Variants in CADPS2 observed in about 807,000 individuals in gnomAD.
CADPS2 encodes calcium-dependent secretion activator 2.
A neutral mutation model predicts 172.5 loss-of-function variants in CADPS2; 93 were observed. The observed-to-expected ratio is 0.54, with a 90% confidence interval of 0.46 to 0.64. The LOEUF (loss-of-function observed/expected upper bound fraction) is 0.64. Among genes scored for constraint, CADPS2 ranks in the 30% least tolerant of loss-of-function variants. CADPS2 has a pLI of 0.00. For missense variants in CADPS2, 1,420 were observed against 1,565.9 expected (o/e 0.91, Z 1.57); for synonymous variants, 546 against 555.2 (o/e 0.98, Z 0.23).
At chr7:122,755,425 C>G (rs1254263563) in intron 1 of CADPS2, among the ~76,000 whole-genome samples, 2 of 152,074 alleles carry the variant, frequency 1.3e-5, no homozygotes, top group African/African-American at 4.8e-5. Context: ...ATCACTTTTT[C>G]TTTATCAGCT....
intron 3 of CADPS2, among the ~76,000 whole-genome samples, chr7:122,662,489 C>T (rs1055888084): frequency 2.6e-5 from 4 of 151,666 alleles, no homozygotes; most frequent in Admixed American, 6.6e-5. Flanking sequence ...AATTCTCCTG[C>T]CTCAGCCTCC....
intron 1 of CADPS2, among the ~76,000 whole-genome samples, chr7:122,804,330 G>A (rs1203412865): frequency 6.6e-6 from 1 of 152,158 alleles, no homozygotes; most frequent in Admixed American, 6.5e-5. Context: ...CTGAGGACTA[G>A]CACGTTGCAT....
intron 6 of CADPS2, among the ~76,000 whole-genome samples, chr7:122,608,095 T>C (rs560922420): frequency 1.4e-4 from 21 of 152,018 alleles, no homozygotes; most frequent in Middle Eastern, 3.4e-3. Context: ...TGCATGTCTG[T>C]AGTCCCAGCT....
intron 27 of CADPS2, among the ~76,000 whole-genome samples, chr7:122,351,372 C>CAAAAAAAAA (rs398048049): frequency 0.017 from 495 of 28,920 alleles, 116 homozygotes; most frequent in African/African-American, 0.06. Context: ...GACTCCGTCT[C>CAAAAAAAAA]AAAAAAAAAA....
At chr7:122,549,176 C>A (rs2131844897) in intron 8 of CADPS2, among the ~76,000 whole-genome samples, 1 of 152,188 alleles carries the variant, frequency 6.6e-6, no homozygotes, top group Non-Finnish European at 1.5e-5. Context: ...GCAGGAGGAT[C>A]GCTTGAGTGC....
At chr7:122,325,448 C>CA (rs1267352094) in intron 29 of CADPS2, 29 bp downstream of exon 29, 1 of 1,400,052 alleles carries the variant, frequency 7.1e-7, no homozygotes, top group African/African-American at 1.4e-5. Flanking sequence ...GCTTAGTGGG[C>CA]AATTCATATC....
At chr7:122,481,197 G>T (rs568809844) in intron 11 of CADPS2, among the ~76,000 whole-genome samples, 95 of 113,910 alleles carry the variant, frequency 8.3e-4, no homozygotes, top group African/African-American at 3.2e-3. Context: ...ACGGAGTCTT[G>T]CTCTGTTGCC....
chr7:122,323,480 CTT>C (rs929671459), intron 29 of CADPS2, among the ~76,000 whole-genome samples: 1 of 152,016 alleles, frequency 6.6e-6, no homozygotes, highest in Admixed American at 6.6e-5. Flanking sequence ...GATCTACTCT[CTT>C]AGCAAATTTC....
chr7:122,518,168 C>A (rs1309101676), intron 8 of CADPS2, among the ~76,000 whole-genome samples: 1 of 151,876 alleles, frequency 6.6e-6, no homozygotes, highest in East Asian at 1.9e-4. Flanking sequence ...TATAGAAAGA[C>A]TGTATATATA....
chr7:122,384,821 C>T lies in CADPS2; in HGVS notation c.3312+2205G>A, dbSNP rs1046958396. On this transcript the variant is annotated intron_variant, in intron 24 of 29. Transcript: ENST00000449022. The stretch of plus-strand genomic sequence containing the variant: ...CATTTGACAATGTAACAATGTTCAT[C>T]ATTTGTGTGTGTGTGTGCCTGTTTT... Among the ~76,000 whole-genome samples the T allele has an allele frequency of 1.1e-4, 16 of 151,992 alleles. No individual in the cohort carries two copies. In the South Asian group the frequency reaches 1.7e-3, roughly 16 times the overall value.
At chr7:122,846,800 T>C (rs1183621676) in intron 1 of CADPS2, among the ~76,000 whole-genome samples, 2 of 152,210 alleles carry the variant, frequency 1.3e-5, no homozygotes, top group Non-Finnish European at 2.9e-5. Flanking sequence ...GAGATGATCT[T>C]CAAGCTGGCA....
intron 2 of CADPS2, among the ~76,000 whole-genome samples, chr7:122,708,461 G>GAT (rs3034549): frequency 0.048 from 6,112 of 128,078 alleles, 232 homozygotes; most frequent in African/African-American, 0.061. Context: ...TATGTGTGTG[G>GAT]ATATATATAT....
chr7:122,571,225 A>G (rs1025164024), intron 7 of CADPS2, among the ~76,000 whole-genome samples: 2 of 152,134 alleles, frequency 1.3e-5, no homozygotes, highest in African/African-American at 4.8e-5. Flanking sequence ...AAAGCTGCAG[A>G]TGGCAAAAAG....
intron 1 of CADPS2, among the ~76,000 whole-genome samples, chr7:122,839,814 A>G (rs1460637182): frequency 1.3e-5 from 2 of 152,184 alleles, no homozygotes; most frequent in African/African-American, 2.4e-5. Flanking sequence ...AAATAGGAAC[A>G]CTTTTACACT....
intron 2 of CADPS2, chr7:122,698,869 C>A: frequency 6.2e-7 from 1 of 1,608,370 alleles, no homozygotes; most frequent in Non-Finnish European, 8.5e-7. Flanking sequence ...CTTCATAAGC[C>A]AGGAAGAGGC....
At chr7:122,644,481 T>C (rs1437011753) in intron 3 of CADPS2, among the ~76,000 whole-genome samples, 2 of 152,208 alleles carry the variant, frequency 1.3e-5, no homozygotes, top group Non-Finnish European at 2.9e-5. Context: ...CAGGTATTTA[T>C]GAGCTTTATA....
rs187743996 is a variant in CADPS2 at position 122,748,628 on chromosome 7, T to C, written c.340-11560A>G. Among the ~76,000 whole-genome samples, 798 of 152,150 alleles carry C rather than the reference T, an allele frequency of 5.2e-3. 4 individuals are homozygous for C. The highest frequency in any genetic ancestry group is 9.0e-3 in the Non-Finnish European group (614 of 68,000). ...TTACTTTCCTCAGAAATGTCTGAAG[T>C]TTTTGCTTTCTTTCTTGACCAGGTA... is the stretch of plus-strand genomic sequence containing the variant. On this transcript the variant is annotated intron_variant, in intron 1 of 29. Transcript: ENST00000449022.
At chr7:122,347,001 G>C (rs2037767334) in intron 27 of CADPS2, among the ~76,000 whole-genome samples, 2 of 152,128 alleles carry the variant, frequency 1.3e-5, no homozygotes, top group South Asian at 4.1e-4. Context: ...CAATTTGATA[G>C]GTAGATCTAT....
chr7:122,862,995 CTCTT>C (rs1817350986), intron 1 of CADPS2, among the ~76,000 whole-genome samples: 2 of 152,264 alleles, frequency 1.3e-5, no homozygotes, highest in Middle Eastern at 3.4e-3. Context: ...CAACACTATT[CTCTT>C]TTTTTGACAT....
Sources: gnomAD v4.1 joint callset for allele counts (sites outside exome capture counted in the v4.1 genomes callset) on GRCh38, gnomAD v4.1.1 for gene constraint, MANE v1.5 for transcripts, NCBI Gene and HGNC (gene_info 2026-07-23, HGNC 2026-07-21) for gene names.